HIP1: variants seen among roughly 807,000 people sequenced by gnomAD.
HIP1 encodes huntingtin-interacting protein 1.
Under a neutral mutation model 147.6 loss-of-function variants are expected in HIP1, and 65 were observed. The observed-to-expected ratio is 0.44, with a 90% CI of 0.36 to 0.54. The LOEUF (loss-of-function observed/expected upper bound fraction) is 0.54, where lower values mean the gene tolerates loss of function less well. Ranked by LOEUF, HIP1 falls within the 20% of genes least tolerant of loss-of-function variation. The pLI is 0.00. For synonymous variants in HIP1, 479 were observed against 504.0 expected (o/e 0.95, Z 0.67); for missense variants, 1,061 against 1,299.6 (o/e 0.82, Z 2.82).
In HIP1 at chr7:75,657,244, A is replaced by G. The variant is rs548022400; in HGVS notation, c.121-57997T>C. ...ATACTACGTAGCCATAAAAAGAACA[A>G]TATCAGCTGGGCATGGTGGCTCACG... On this transcript the variant is annotated intron_variant, in intron 1 of 30. Transcript: ENST00000336926. Among the ~76,000 whole-genome samples the G allele has an allele frequency of 6.6e-5, 10 of 152,228 alleles. No homozygotes were observed. In the South Asian group the frequency reaches 1.2e-3, roughly 19 times the overall value.
intron 18 of HIP1, 38 bp downstream of exon 18, chr7:75,555,988 T>G: frequency 1.9e-6 from 3 of 1,609,808 alleles, no homozygotes; most frequent in Non-Finnish European, 2.5e-6. Context: ...TCGGTGGGAA[T>G]TCACAGGTGC....
intron 1 of HIP1, among the ~76,000 whole-genome samples, chr7:75,696,342 T>A (rs1563299223): frequency 6.6e-6 from 1 of 152,102 alleles, no homozygotes; most frequent in Non-Finnish European, 1.5e-5. Context: ...TTGATAATGA[T>A]CCCTCTCTCA....
chr7:75,640,154 C>A (rs760568520), intron 1 of HIP1, among the ~76,000 whole-genome samples: 144 of 152,356 alleles, frequency 9.5e-4, no homozygotes, highest in Non-Finnish European at 1.2e-3. Flanking sequence ...CCGGAAAAAG[C>A]CTGGCCATTC....
rs587729714 is a variant in HIP1, at chr7:75,553,801, G to A, written c.2159-212C>T. On this transcript the variant is annotated intron_variant, in intron 21 of 30. Transcript: ENST00000336926. ...GTATTTTTAGTAGAGACGGGGTTTCGCCATGTTGGCCAGGCTGGTCTCGAA... is the reference window on the plus strand; with the variant it reads ...GTATTTTTAGTAGAGACGGGGTTTCACCATGTTGGCCAGGCTGGTCTCGAA... Among the ~76,000 whole-genome samples the A allele has an allele frequency of 1.1e-4, 17 of 152,032 alleles. No homozygotes were observed. In the East Asian group the frequency reaches 2.1e-3, roughly 19 times the overall value.
intron 1 of HIP1, among the ~76,000 whole-genome samples, chr7:75,613,854 A>C (rs1797531956): frequency 6.6e-6 from 1 of 151,984 alleles, no homozygotes; most frequent in South Asian, 2.1e-4. Context: ...CCTCCCAGGC[A>C]GCTGAGACGA....
intron 1 of HIP1, among the ~76,000 whole-genome samples, chr7:75,640,936 G>A (rs551352572): frequency 1.3e-5 from 2 of 152,120 alleles, no homozygotes; most frequent in East Asian, 3.9e-4. Flanking sequence ...GCCCCTTCCT[G>A]TCAAAGCTGA....
intron 1 of HIP1, among the ~76,000 whole-genome samples, chr7:75,668,341 T>C (rs1799622739): frequency 1.3e-5 from 2 of 152,166 alleles, no homozygotes; most frequent in Admixed American, 1.3e-4. Flanking sequence ...GTTTTGTTTT[T>C]GAGACAGAGT....
intron 1 of HIP1, among the ~76,000 whole-genome samples, chr7:75,649,430 A>G (rs1431171755): frequency 6.6e-6 from 1 of 152,186 alleles, no homozygotes; most frequent in East Asian, 1.9e-4. Flanking sequence ...GACCCTGAAC[A>G]CTATTTTCCA....
At chr7:75,637,536 A>ATTTTTT (rs869251770) in intron 1 of HIP1, among the ~76,000 whole-genome samples, 1,341 of 70,866 alleles carry the variant, frequency 0.019, 179 homozygotes, top group South Asian at 0.03. Flanking sequence ...TGCAGAGAGG[A>ATTTTTT]TTTTTTTTTT....
At chr7:75,689,151 AC>A (rs1554517893) in intron 1 of HIP1, among the ~76,000 whole-genome samples, 1 of 152,140 alleles carries the variant, frequency 6.6e-6, no homozygotes, top group Non-Finnish European at 1.5e-5. Flanking sequence ...AGAGTTGGAG[AC>A]CAGCCTGGGC....
At chr7:75,549,839 GTT>G (rs34920736) in intron 22 of HIP1, among the ~76,000 whole-genome samples, 2,173 of 136,334 alleles carry the variant, frequency 0.016, 39 homozygotes, top group African/African-American at 0.045. Flanking sequence ...CCGGATAATT[GTT>G]TTTTTTTTTT....
chr7:75,551,633 G>A (rs1319005965), intron 22 of HIP1, among the ~76,000 whole-genome samples: 1 of 151,844 alleles, frequency 6.6e-6, no homozygotes, highest in Admixed American at 6.6e-5. Flanking sequence ...TCACTGCAGA[G>A]TACACGGTTC....
chr7:75,546,838 G>A (rs1347619311), intron 25 of HIP1, 101 bp downstream of exon 25: 12 of 828,376 alleles, frequency 1.4e-5, no homozygotes, highest in Non-Finnish European at 2.4e-5. Flanking sequence ...CTGTACTCAG[G>A]TGGACACACA....
At position 75,568,507 on chromosome 7, in the gene HIP1, G is replaced by A. The variant is rs59718366; in HGVS notation, c.746-251C>T. ...TAGTTCCTGAAGGACAAGCCATGCC[G>A]GGCACAATAGGGTGGAAATTGTGTC... On this transcript the variant is annotated intron_variant, in intron 8 of 30. Coordinates refer to ENST00000336926, the MANE Select transcript of HIP1 (RefSeq NM_005338.7). The surrounding 1 kb of genome is among the most constrained non-coding windows in gnomAD (Gnocchi z 4.1). Among the ~76,000 whole-genome samples the A allele has an allele frequency of 7.5e-3, 1,136 of 152,330 alleles. 15 individuals are homozygous for A. Among genetic ancestry groups the A allele is most frequent in the African/African-American group, 0.026 (1,078 of 41,572 alleles).
intron 1 of HIP1, among the ~76,000 whole-genome samples, chr7:75,642,419 C>A (rs1367659026): frequency 6.6e-6 from 1 of 152,098 alleles, no homozygotes; most frequent in Non-Finnish European, 1.5e-5. Context: ...CCTGTAATCC[C>A]ATCTAGTCAG....
chr7:75,554,066 C>T (rs1554492675), intron 21 of HIP1, 47 bp downstream of exon 21: 1 of 1,446,978 alleles, frequency 6.9e-7, no homozygotes, highest in Non-Finnish European at 9.7e-7. Context: ...TTTAAAGGCC[C>T]CCTGCTCCCC....
intron 22 of HIP1, among the ~76,000 whole-genome samples, chr7:75,549,718 G>A (rs1378410379): frequency 2.0e-5 from 3 of 151,712 alleles, no homozygotes; most frequent in Non-Finnish European, 4.4e-5. Context: ...CACCAGAGAT[G>A]GAGTGCAGTG....
intron 8 of HIP1, among the ~76,000 whole-genome samples, chr7:75,571,123 T>C (rs1554496551): frequency 6.7e-6 from 1 of 148,804 alleles, no homozygotes; most frequent in East Asian, 2.0e-4. Context: ...TGCCCTGCCT[T>C]CAAAGAAGGC....
At chr7:75,725,646 C>T (rs1396113937) in intron 1 of HIP1, among the ~76,000 whole-genome samples, 3 of 152,118 alleles carry the variant, frequency 2.0e-5, no homozygotes, top group Non-Finnish European at 2.9e-5. Context: ...AGCGTTCATC[C>T]GTGTTGTTGA....
Sources: gnomAD v4.1 joint callset for allele counts (sites outside exome capture counted in the v4.1 genomes callset) on GRCh38, gnomAD v4.1.1 for gene constraint, Gnocchi (gnomAD v3.1) non-coding constraint, MANE v1.5 for transcripts, NCBI Gene and HGNC (gene_info 2026-07-23, HGNC 2026-07-21) for gene names.